Variants in MON2 observed in about 807,000 individuals in gnomAD.
MON2 encodes the protein protein MON2 homolog.
A neutral mutation model predicts 208.6 loss-of-function variants in MON2; 84 were observed. The ratio of observed to expected loss-of-function variants is 0.40; its 90% CI spans 0.34 to 0.48. The LOEUF (loss-of-function observed/expected upper bound fraction) is 0.48. MON2 is among the 20% of genes least tolerant of loss of function. The probability of loss-of-function intolerance (pLI) is 0.59; values close to 1 mark genes in which losing one functional copy is unlikely to be tolerated. For synonymous variants in MON2, 660 were observed against 694.0 expected (o/e 0.95, Z 0.77); for missense variants, 1,611 against 2,015.4 (o/e 0.80, Z 3.84).
rs914550856 is a variant in MON2, at chr12:62,532,589, A to T, written c.1552A>T (p.Thr518Ser). Residue 518 changes from threonine to serine, a missense_variant, in exon 12 of 35, where the codon ACT becomes TCT. Transcript: ENST00000393630. The part of the protein sequence containing the change: ...GELETECQTT[T>S]EEGSSPTQST... ...GCTTGAAACAGAATGTCAAACCACC[A>T]CTGAAGAAGGTTCTTCACCAACACA... is the stretch of plus-strand genomic sequence containing the variant. 1.4e-5 allele frequency: 22 copies of T among 1,614,140 alleles called. No individual in the cohort carries two copies. The highest frequency in any genetic ancestry group is 1.8e-5 in the Non-Finnish European group (21 of 1,179,980).
At chr12:62,515,363 G>A (rs2071631786) in intron 8 of MON2, among the ~76,000 whole-genome samples, 1 of 152,176 alleles carries the variant, frequency 6.6e-6, no homozygotes, top group African/African-American at 2.4e-5. Context: ...TGAAATAAGT[G>A]AGTCAAGAGG....
intron 7 of MON2, among the ~76,000 whole-genome samples, chr12:62,504,297 TGCAGTC>T (rs1301809606): frequency 6.7e-6 from 1 of 148,452 alleles, no homozygotes; most frequent in Non-Finnish European, 1.5e-5. Flanking sequence ...CAGGTTGGAG[TGCAGTC>T]GCATGATCTC....
rs761788896 is a variant in MON2, at chr12:62,561,016, G to C, written c.3935G>C (p.Ser1312Thr). The part of the protein sequence containing the change: ...ILHSAISVPI[S>T]SDASPFILPS... ...CACAGTGCTATTTCAGTCCCAATAA[G>C]TTCAGATGCATCCCCTTTTATTCTT... is the stretch of plus-strand genomic sequence containing the variant. Residue 1312 changes from serine to threonine, a missense_variant, in exon 26 of 35, where the codon AGT becomes ACT. By Grantham distance (58) the Ser-to-Thr change is moderately conservative. Coordinates refer to ENST00000393630, the MANE Select transcript of MON2 (RefSeq NM_015026.3). 2 of 1,613,628 alleles carry C rather than the reference G, an allele frequency of 1.2e-6. No individual in the cohort carries two copies.
At chr12:62,585,689 A>G (rs1473103092) in intron 33 of MON2, 188 bp downstream of exon 33, 1 of 469,942 alleles carries the variant, frequency 2.1e-6, no homozygotes, top group Non-Finnish European at 3.7e-6. Context: ...ATGTTTTGTT[A>G]TGGGGTGCTT....
rs762683943 is a variant in MON2, at chr12:62,538,409, T to G, written c.2274-6T>G. ...AAGATGTCTTATTTCTTCATTTCCT[T>G]TTTAGGTATCTTGATGATGTATCAC... On this transcript the variant is annotated splice_region_variant and splice_polypyrimidine_tract_variant and intron_variant, in intron 18 of 34. Transcript: ENST00000393630. 3 of 1,605,162 alleles carry G rather than the reference T, an allele frequency of 1.9e-6. No individual in the cohort carries two copies. The highest frequency in any genetic ancestry group is 2.6e-6 in the Non-Finnish European group (3 of 1,172,436).
At chr12:62,574,969 T>C (rs1472936820) in intron 30 of MON2, among the ~76,000 whole-genome samples, 1 of 151,518 alleles carries the variant, frequency 6.6e-6, no homozygotes, top group Non-Finnish European at 1.5e-5. Context: ...ACAAAAAAAA[T>C]TTAAAAATTA....
chr12:62,469,598 G>A (rs1419593289), intron 1 of MON2, among the ~76,000 whole-genome samples: 3 of 152,166 alleles, frequency 2.0e-5, no homozygotes, highest in Non-Finnish European at 4.4e-5. Context: ...TTAAAACAAA[G>A]AGAGTCATTA....
intron 30 of MON2, among the ~76,000 whole-genome samples, chr12:62,577,402 T>C (rs1006951351): frequency 6.6e-6 from 1 of 152,146 alleles, no homozygotes; most frequent in South Asian, 2.1e-4. Context: ...ACTCAGTAGA[T>C]ATTTGTTGAA....
chr12:62,474,423 TTTTTC>T (rs1173328097), intron 1 of MON2, among the ~76,000 whole-genome samples: 4 of 149,260 alleles, frequency 2.7e-5, no homozygotes, highest in South Asian at 2.1e-4. Flanking sequence ...TGGCCTCTTC[TTTTTC>T]TTTTCTTTTC....
chr12:62,566,084 A>G (rs1200195825), intron 28 of MON2, 53 bp downstream of exon 28: 1 of 1,550,734 alleles, frequency 6.4e-7, no homozygotes, highest in Non-Finnish European at 8.8e-7. Context: ...AATAAAGTAC[A>G]TCTTTCCCGG....
At chr12:62,509,522 G>A (rs926281563) in intron 8 of MON2, among the ~76,000 whole-genome samples, 2 of 152,098 alleles carry the variant, frequency 1.3e-5, no homozygotes, top group African/African-American at 2.4e-5. Context: ...CAAAGGACTC[G>A]AACAACACTG....
rs148159828 is a variant in MON2 at position 62,522,679 on chromosome 12, T to C, written c.985-1836T>C. On this transcript the variant is annotated intron_variant, in intron 8 of 34. Coordinates refer to ENST00000393630, the MANE Select transcript of MON2 (RefSeq NM_015026.3). ...ATAAGTGCTAATCTTAATACCTGTT[T>C]CCTTATAAGTGCAGCCACTTGGGGG... Among the ~76,000 whole-genome samples the C allele has an allele frequency of 4.4e-3, 668 of 152,344 alleles. 6 individuals are homozygous for C. The highest frequency in any genetic ancestry group is 0.016 in the African/African-American group (647 of 41,586).
At chr12:62,565,952 G>A in intron 27 of MON2, 62 bp from the exon 28 acceptor site, 1 of 1,452,044 alleles carries the variant, frequency 6.9e-7, no homozygotes, top group East Asian at 2.3e-5. Flanking sequence ...TCCGAAAGTA[G>A]TTTAAATATG....
chr12:62,535,015 T>G, intron 13 of MON2, 89 bp downstream of exon 13: 1 of 946,260 alleles, frequency 1.1e-6, no homozygotes, highest in Non-Finnish European at 1.6e-6. Flanking sequence ...CCTAGAATTA[T>G]TTTCTAATAT....
intron 19 of MON2, among the ~76,000 whole-genome samples, chr12:62,539,532 G>C (rs1479277693): frequency 2.6e-5 from 4 of 151,914 alleles, no homozygotes; most frequent in Non-Finnish European, 5.9e-5. Flanking sequence ...CTCCCAAAGT[G>C]CTGGGATTAC....
intron 24 of MON2, among the ~76,000 whole-genome samples, chr12:62,554,372 T>G (rs2073875390): frequency 6.6e-6 from 1 of 152,216 alleles, no homozygotes; most frequent in Non-Finnish European, 1.5e-5. Flanking sequence ...TCTGATTATT[T>G]TGGCCTGGAG....
intron 8 of MON2, among the ~76,000 whole-genome samples, chr12:62,519,145 G>A (rs1305384895): frequency 6.6e-6 from 1 of 152,156 alleles, no homozygotes; most frequent in East Asian, 1.9e-4. Context: ...ATGTGGAAGA[G>A]GGGGTGCTAC....
intron 23 of MON2, 106 bp from the exon 24 acceptor site, chr12:62,552,775 T>C (rs1176213579): frequency 2.6e-6 from 2 of 778,768 alleles, no homozygotes; most frequent in East Asian, 5.3e-5. Flanking sequence ...TTTGAAGTAA[T>C]GTTTTTAAAG....
chr12:62,516,288 A>G (rs980916438), intron 8 of MON2, among the ~76,000 whole-genome samples: 4 of 152,150 alleles, frequency 2.6e-5, no homozygotes, highest in Non-Finnish European at 5.9e-5. Context: ...GGTGGTGGAG[A>G]TGGGGAGCAG....
Sources: gnomAD v4.1 joint callset for allele counts (sites outside exome capture counted in the v4.1 genomes callset) on GRCh38, gnomAD v4.1.1 for gene constraint, MANE v1.5 for transcripts, NCBI Gene and HGNC (gene_info 2026-07-23, HGNC 2026-07-21) for gene names.